Variants in COL6A3 observed in about 807,000 individuals in gnomAD.
The protein encoded by COL6A3 is collagen type VI alpha 3 chain.
A neutral mutation model predicts 274.1 loss-of-function variants in COL6A3; 137 were observed. That is an observed-to-expected ratio of 0.50 (90% confidence interval 0.44 to 0.58). COL6A3 has a LOEUF of 0.58. Ranked by LOEUF, COL6A3 falls within the 20% of genes least tolerant of loss-of-function variation. COL6A3 has a pLI of 0.00. For missense variants in COL6A3, 3,950 were observed against 4,124.9 expected (o/e 0.96, Z 1.16); for synonymous variants, 1,650 against 1,650.6 (o/e 1.00, Z 0.01).
rs1423765159 is a variant in COL6A3 at position 237,371,504 on chromosome 2, G to A, written c.4285+228C>T. ...TCCTAGCTACTGAGGAGGCTGAAGT[G>A]GGAGGTTGGCTGGATCCCAGAAGGC... On this transcript the variant is annotated intron_variant, in intron 9 of 43. Coordinates refer to ENST00000295550, the MANE Select transcript of COL6A3 (RefSeq NM_004369.4). This position sits in a 1 kb window ranked among gnomAD's most constrained non-coding sequence, Gnocchi z 4.3. 1 of 859,516 alleles carries A rather than the reference G, an allele frequency of 1.2e-6. No individual in the cohort carries two copies. Among genetic ancestry groups the A allele is most frequent in the African/African-American group, 1.7e-5 (1 of 58,720 alleles). The allele number at this position is 859,516 out of a possible 1,614,324, so 53.2% of individuals were successfully genotyped here.
rs1272932873 is a variant in COL6A3, at chr2:237,369,094, C to G, written c.4369G>C (p.Asp1457His). ...CTTCGAACAATCCTGCTAACAAAAT[C>G]TCGAATATGTGCAAAGCCATCTGGC... ...VRPDGFAHIR[D>H]FVSRIVRRLN... The change falls in exon 10 of 44, where the codon GAT becomes CAT. Residue 1457 changes from aspartate (D) to histidine (H), a missense_variant. Around this residue, in one of 5 missense-constraint regions of COL6A3, gnomAD observed 1,934 missense variants for 1,984.3 expected, o/e 0.97. Transcript: ENST00000295550. The G allele has an allele frequency of 6.2e-7, 1 of 1,614,110 alleles. No homozygotes were observed. The highest frequency in any genetic ancestry group is 8.5e-7 in the Non-Finnish European group (1 of 1,180,060).
intron 36 of COL6A3, chr2:237,343,413 G>T (rs1451343885): frequency 6.6e-6 from 1 of 150,700 alleles, no homozygotes; most frequent in Non-Finnish European, 1.5e-5. Context: ...TACTCAGGAG[G>T]CTGAAGCAGG....
intron 10 of COL6A3, among the ~76,000 whole-genome samples, chr2:237,367,541 CTG>C (rs2077582786): frequency 6.6e-6 from 1 of 152,330 alleles, no homozygotes; most frequent in African/African-American, 2.4e-5. Flanking sequence ...ATGTCACACT[CTG>C]TGAAAACTCA....
chr2:237,352,375 G>A (rs2106333445), intron 26 of COL6A3, 147 bp downstream of exon 26: 1 of 807,524 alleles, frequency 1.2e-6, no homozygotes, highest in East Asian at 2.7e-5. Context: ...TGCAAGGCCT[G>A]AGGTTAAATC....
chr2:237,344,189 T>C lies in COL6A3; in HGVS notation c.7668+161A>G, dbSNP rs1181298772. ...CTGTAGTGCTGGAGCCACGAGGTTG[T>C]CCTGGAGACCTCACAAGAGAAGTTC... On this transcript the variant is annotated intron_variant, in intron 36 of 43. Transcript: ENST00000295550. This position sits in a 1 kb window ranked among gnomAD's most constrained non-coding sequence, Gnocchi z 4.8. 4 of 1,063,888 alleles carry C rather than the reference T, an allele frequency of 3.8e-6. No homozygotes were observed. In the Admixed American group the frequency reaches 5.1e-5, roughly 13 times the overall value. The allele number at this position is 1,063,888 out of a possible 1,614,324, so 65.9% of individuals were successfully genotyped here. A position where few individuals can be genotyped will look rare whatever the true frequency, so the allele number is the denominator to read the frequency against.
chr2:237,349,538 C>T (rs925619393), intron 28 of COL6A3, among the ~76,000 whole-genome samples: 3 of 152,328 alleles, frequency 2.0e-5, no homozygotes, highest in Admixed American at 6.5e-5. Context: ...TCAGATCAAC[C>T]TGGTCCTTTT....
intron 1 of COL6A3, among the ~76,000 whole-genome samples, chr2:237,409,332 C>A (rs1450715756): frequency 6.6e-6 from 1 of 151,998 alleles, no homozygotes; most frequent in East Asian, 1.9e-4. Context: ...TTTTAGGGTA[C>A]ATGTGCACAA....
intron 41 of COL6A3, among the ~76,000 whole-genome samples, chr2:237,334,201 A>C (rs1559190815): frequency 6.6e-6 from 1 of 152,138 alleles, no homozygotes; most frequent in Non-Finnish European, 1.5e-5. Context: ...GGGCGGTGAG[A>C]CTTCAGGGAC....
intron 3 of COL6A3, among the ~76,000 whole-genome samples, chr2:237,393,638 C>T (rs532226510): frequency 2.6e-5 from 4 of 152,194 alleles, no homozygotes; most frequent in Non-Finnish European, 5.9e-5. Flanking sequence ...GACTCATTTT[C>T]TAACAAGGGG....
At chr2:237,405,220 A>G (rs2078690086) in intron 1 of COL6A3, among the ~76,000 whole-genome samples, 1 of 152,146 alleles carries the variant, frequency 6.6e-6, no homozygotes, top group Non-Finnish European at 1.5e-5. Flanking sequence ...TTGGCCCCAC[A>G]CACTTTCCTG....
At position 237,378,841 on chromosome 2, in the gene COL6A3, G is replaced by A. The variant is rs116066149; in HGVS notation, c.2292C>T (p.Asn764=). Residue 764 remains asparagine, a synonymous_variant, in exon 6 of 44, where the codon AAC becomes AAT. Coordinates refer to ENST00000295550, the MANE Select transcript of COL6A3 (RefSeq NM_004369.4). Reference sequence around the variant, plus strand: ...TCAGGATGCCCGCGCGTGTCAAGGCGTTGGCAGCTTGCAAATAGGAGTCCT... The same window carrying A: ...TCAGGATGCCCGCGCGTGTCAAGGCATTGGCAGCTTGCAAATAGGAGTCCT... The part of the protein sequence containing the change: ...QSEDSYLQAA[N]ALTRAGILTF... The A allele has an allele frequency of 1.5e-3, 2,407 of 1,614,218 alleles. 3 individuals are homozygous for A. Among genetic ancestry groups the A allele is most frequent in the Non-Finnish European group, 1.9e-3 (2,204 of 1,180,032 alleles).
intron 4 of COL6A3, among the ~76,000 whole-genome samples, chr2:237,386,873 T>C (rs1474751032): frequency 6.6e-6 from 1 of 152,196 alleles, no homozygotes; most frequent in Non-Finnish European, 1.5e-5. Context: ...CCTCCTATGT[T>C]TGTTAAGTGC....
chr2:237,378,779 T>C lies in COL6A3; in HGVS notation c.2354A>G (p.Glu785Gly). The change falls in exon 6 of 44, where the codon GAG becomes GGG. Residue 785 changes from glutamate to glycine, a missense_variant. By Grantham distance (98) the Glu-to-Gly change is moderately conservative. This residue lies in a region of COL6A3 where 1,934 missense variants were observed against 1,984.3 expected (regional missense o/e 0.97). Coordinates refer to ENST00000295550, the MANE Select transcript of COL6A3 (RefSeq NM_004369.4). Reference protein sequence around the residue: ...CVGASQANKAELEQIAFNPSL... With the variant: ...CVGASQANKAGLEQIAFNPSL... ...TGGGTTAAAAGCAATCTGCTCAAGC[T>C]CTGCCTTATTCGCCTGGCTAGCTCC... The C allele has an allele frequency of 1.2e-6, 2 of 1,614,244 alleles. No homozygotes were observed. The highest frequency in any genetic ancestry group is 1.7e-6 in the Non-Finnish European group (2 of 1,180,044).
rs773202559 is a variant in COL6A3 at position 237,378,773 on chromosome 2, T to C, written c.2360A>G (p.Glu787Gly). The C allele has an allele frequency of 5.0e-6, 8 of 1,614,212 alleles. No individual in the cohort carries two copies. Among genetic ancestry groups the C allele is most frequent in the Non-Finnish European group, 6.8e-6 (8 of 1,180,048 alleles). ...GASQANKAEL[E>G]QIAFNPSLVY... ...CAGGCTTGGGTTAAAAGCAATCTGC[T>C]CAAGCTCTGCCTTATTCGCCTGGCT... Residue 787 changes from glutamate to glycine, a missense_variant, in exon 6 of 44, where the codon GAG becomes GGG. Glu to Gly is a moderately conservative substitution (Grantham distance 98). Coordinates refer to ENST00000295550, the MANE Select transcript of COL6A3 (RefSeq NM_004369.4).
intron 30 of COL6A3, among the ~76,000 whole-genome samples, chr2:237,348,107 A>G (rs540590588): frequency 2.6e-5 from 4 of 152,380 alleles, no homozygotes; most frequent in Admixed American, 6.5e-5. Context: ...CACAGCTTAC[A>G]GAGTACTTTG....
At position 237,374,058 on chromosome 2, in the gene COL6A3, C is replaced by T. The variant is rs1007137318; in HGVS notation, c.3679+354G>A. On this transcript the variant is annotated intron_variant, in intron 8 of 43. Transcript: ENST00000295550. This position sits in a 1 kb window ranked among gnomAD's most constrained non-coding sequence, Gnocchi z 4.8. ...GCTGCTGACCAAACCTACCAGGGGTCGCAGGACTGATACGCAACAGGCGTT... is the reference window on the plus strand; with the variant it reads ...GCTGCTGACCAAACCTACCAGGGGTTGCAGGACTGATACGCAACAGGCGTT... Among the ~76,000 whole-genome samples the T allele has an allele frequency of 2.0e-5, 3 of 152,194 alleles. No homozygotes were observed. Among genetic ancestry groups the T allele is most frequent in the Non-Finnish European group, 4.4e-5 (3 of 68,034 alleles).
intron 25 of COL6A3, 41 bp from the exon 26 acceptor site, chr2:237,352,625 C>T: frequency 4.4e-6 from 7 of 1,583,936 alleles, no homozygotes; most frequent in Non-Finnish European, 6.1e-6. Context: ...AATGAGGTGA[C>T]TTTCCATGAG....
rs776043658 is a variant in COL6A3 at position 237,388,001 on chromosome 2, G to A, written c.893C>T (p.Thr298Ile). The stretch of plus-strand genomic sequence containing the variant: ...CAGAACCTGGGCCTTGGTGGAGTAG[G>A]TGTCCAAGGAGAACATGGTTCTGGG... ...DEPRTMFSLD[T>I]YSTKAQVLGA... The change falls in exon 4 of 44, where the codon ACC (threonine) becomes ATC (isoleucine). Residue 298 changes from threonine to isoleucine, a missense_variant. By Grantham distance (89) the Thr-to-Ile change is moderately conservative. Around this residue, in one of 5 missense-constraint regions of COL6A3, gnomAD observed 1,934 missense variants for 1,984.3 expected, o/e 0.97. Coordinates refer to ENST00000295550, the MANE Select transcript of COL6A3 (RefSeq NM_004369.4). 1.2e-5 allele frequency: 20 copies of A among 1,614,192 alleles called. No individual in the cohort carries two copies. The highest frequency in any genetic ancestry group is 3.3e-5 in the Admixed American group (2 of 60,022).
rs149403952 is a variant in COL6A3, at chr2:237,340,894, G to A, written c.8022C>T (p.Ser2674=). 4.0e-5 allele frequency: 64 copies of A among 1,613,294 alleles called. No homozygotes were observed. The highest frequency in any genetic ancestry group is 4.5e-5 in the East Asian group (2 of 44,862). The change falls in exon 38 of 44, where the codon TCC becomes TCT. Residue 2674 remains serine (S), a synonymous_variant. Coordinates refer to ENST00000295550, the MANE Select transcript of COL6A3 (RefSeq NM_004369.4). ...VAVVQHAPSE[S]VDNASMPPVK... ...CAGGTGGCATGCTGGCATTGTCCACGGACTCAGAGGGCGCGTGCTGCACAA... is the reference window on the plus strand; with the variant it reads ...CAGGTGGCATGCTGGCATTGTCCACAGACTCAGAGGGCGCGTGCTGCACAA...
Sources: allele counts gnomAD v4.1 joint callset (sites outside exome capture counted in the v4.1 genomes callset), GRCh38; gene constraint gnomAD v4.1.1; regional missense constraint gnomAD v4.1.1; non-coding constraint Gnocchi (gnomAD v3.1); transcripts MANE v1.5; gene names NCBI Gene and HGNC (gene_info 2026-07-23, HGNC 2026-07-21).